Variants in FRMD4B observed in about 807,000 individuals in gnomAD.
The protein encoded by FRMD4B is FERM domain-containing protein 4B.
FRMD4B carries 74 observed loss-of-function variants against 141.5 expected under a neutral mutation model. The ratio of observed to expected loss-of-function variants is 0.52; its 90% CI spans 0.43 to 0.63. The LOEUF (loss-of-function observed/expected upper bound fraction) is 0.63, where lower values mean the gene tolerates loss of function less well. Among genes scored for constraint, FRMD4B ranks in the 30% least tolerant of loss-of-function variants. The probability of loss-of-function intolerance (pLI) is 0.00; values close to 1 mark genes in which losing one functional copy is unlikely to be tolerated. For missense variants in FRMD4B, 1,366 were observed against 1,253.4 expected, an observed-to-expected ratio of 1.09 and a Z score of -1.36; for synonymous variants, 506 against 467.9, an observed-to-expected ratio of 1.08 and a Z score of -1.05.
intron 11 of FRMD4B, among the ~76,000 whole-genome samples, chr3:69,212,366 AAAAAAAAAAAAAAAGAAAAAAAAAAAG>A (rs1329961036): frequency 9.9e-4 from 64 of 64,724 alleles, no homozygotes; most frequent in African/African-American, 3.2e-3. Context: ...TCTCAAAAAA[AAAAAAAAAAAAAAAGAAAAAAAAAAAG>A]AAAAAAAAGA....
chr3:69,442,080 T>C (rs1265884016), intron 1 of FRMD4B, among the ~76,000 whole-genome samples: 1 of 151,954 alleles, frequency 6.6e-6, no homozygotes, highest in Non-Finnish European at 1.5e-5. Context: ...ATCTGAATGA[T>C]TCACCAAAGA....
chr3:69,229,053 T>C (rs1575634101), intron 7 of FRMD4B, among the ~76,000 whole-genome samples: 1 of 124,996 alleles, frequency 8.0e-6, no homozygotes, highest in Admixed American at 9.4e-5. Flanking sequence ...TGAGGCTGGG[T>C]CTTGTTCTGT....
chr3:69,272,937 T>A (rs1337447780), intron 5 of FRMD4B, among the ~76,000 whole-genome samples: 2 of 152,202 alleles, frequency 1.3e-5, no homozygotes, highest in African/African-American at 4.8e-5. Context: ...TATGAAAATA[T>A]CTTTCTAAGT....
intron 11 of FRMD4B, among the ~76,000 whole-genome samples, chr3:69,205,880 T>G (rs547890473): frequency 1.3e-5 from 2 of 152,338 alleles, no homozygotes; most frequent in Non-Finnish European, 2.9e-5. Context: ...GAGTTCTATT[T>G]CTTTCAACTA....
chr3:69,196,801 C>A (rs11917364), intron 13 of FRMD4B, 99 bp downstream of exon 13: 1 of 939,752 alleles, frequency 1.1e-6, no homozygotes, highest in Non-Finnish European at 1.6e-6. Context: ...TCTCAGAGAG[C>A]AAAAATATAT....
chr3:69,207,668 C>T (rs7618386), intron 11 of FRMD4B, among the ~76,000 whole-genome samples: 3,030 of 152,050 alleles, frequency 0.02, 111 homozygotes, highest in African/African-American at 0.07. Flanking sequence ...ATTAGCTGGG[C>T]GTGGTGGGAC....
At chr3:69,283,970 C>CAAAAAAAAAAAA (rs146536193) in intron 5 of FRMD4B, among the ~76,000 whole-genome samples, 3 of 137,728 alleles carry the variant, frequency 2.2e-5, no homozygotes, top group Non-Finnish European at 1.6e-5. Flanking sequence ...CAAAACAAAA[C>CAAAAAAAAAAAA]AAAACAAAAA....
chr3:69,402,005 TTCTTGTGGGA>T (rs1704571308), intron 2 of FRMD4B, among the ~76,000 whole-genome samples: 1 of 152,238 alleles, frequency 6.6e-6, no homozygotes, highest in Non-Finnish European at 1.5e-5. Context: ...GCGTAGGCAA[TTCTTGTGGGA>T]TCTTATACAG....
At chr3:69,520,621 G>A (rs1401177117) in intron 1 of FRMD4B, among the ~76,000 whole-genome samples, 4 of 151,690 alleles carry the variant, frequency 2.6e-5, no homozygotes, top group Non-Finnish European at 5.9e-5. Context: ...AGAAACCCTT[G>A]GCCAAAAGGG....
chr3:69,386,068 C>G lies in FRMD4B; in HGVS notation c.-79G>C. 7.9e-7 allele frequency: 1 copy of G among 1,266,920 alleles called. No homozygotes were observed. The highest frequency in any genetic ancestry group is 1.9e-5 in the South Asian group (1 of 53,176). 78.5% of individuals were successfully genotyped at this position (1,266,920 alleles called of 1,614,324 possible). ...GACCCCAGCGGCCTGCCCGCCTGGG[C>G]TCCCGACGCCGGCTTCTGCTGGCAG... On this transcript the variant is annotated 5_prime_UTR_variant, in exon 1 of 23. Coordinates refer to ENST00000398540, the MANE Select transcript of FRMD4B (RefSeq NM_015123.3).
intron 2 of FRMD4B, among the ~76,000 whole-genome samples, chr3:69,399,456 T>C (rs1704524232): frequency 6.6e-6 from 1 of 152,222 alleles, no homozygotes; most frequent in Non-Finnish European, 1.5e-5. Context: ...TGCGGTGAAG[T>C]CTCAACTTGT....
chr3:69,383,679 CG>C (rs1704178968), intron 1 of FRMD4B, among the ~76,000 whole-genome samples: 1 of 152,168 alleles, frequency 6.6e-6, no homozygotes, highest in Non-Finnish European at 1.5e-5. Context: ...CCTGCCTCAA[CG>C]TCTTGAGCAG....
At chr3:69,221,818 G>A (rs771459588) in intron 9 of FRMD4B, 40 bp downstream of exon 9, 18 of 968,584 alleles carry the variant, frequency 1.9e-5, no homozygotes, top group Non-Finnish European at 3.3e-6. Flanking sequence ...TCAGATGAGA[G>A]ATATTAAAAT....
At chr3:69,184,992 C>T (rs1033417236) in intron 19 of FRMD4B, among the ~76,000 whole-genome samples, 5 of 152,164 alleles carry the variant, frequency 3.3e-5, no homozygotes, top group South Asian at 2.1e-4. Flanking sequence ...GATTTCACTG[C>T]TCTTTAACAA....
intron 1 of FRMD4B, among the ~76,000 whole-genome samples, chr3:69,504,444 A>G (rs1706560706): frequency 6.6e-6 from 1 of 152,314 alleles, no homozygotes; most frequent in African/African-American, 2.4e-5. Context: ...CATTCCTAAA[A>G]GAAACCTACA....
chr3:69,450,404 G>A (rs768702847), intron 1 of FRMD4B, among the ~76,000 whole-genome samples: 22 of 151,976 alleles, frequency 1.4e-4, no homozygotes, highest in Non-Finnish European at 1.9e-4. Flanking sequence ...TGGGAGGATC[G>A]CTTGAGCTCA....
chr3:69,419,515 T>TTCACTGGC (rs58014530), intron 2 of FRMD4B, among the ~76,000 whole-genome samples: 40,686 of 151,630 alleles, frequency 0.27, 5,858 homozygotes, highest in East Asian at 0.44. Context: ...TCAGTTATCC[T>TTCACTGGC]TCACTGGCTC....
At chr3:69,213,369 T>TAAA (rs10717974) in intron 11 of FRMD4B, among the ~76,000 whole-genome samples, 228 of 124,600 alleles carry the variant, frequency 1.8e-3, no homozygotes, top group East Asian at 3.4e-3. Flanking sequence ...TTACTCTGGG[T>TAAA]AAAAAAAAAA....
intron 5 of FRMD4B, among the ~76,000 whole-genome samples, chr3:69,255,803 G>T (rs1231420618): frequency 6.6e-6 from 1 of 152,128 alleles, no homozygotes. Context: ...TTCTCTGGGG[G>T]CAAAGTTGGG....
Sources: gnomAD v4.1 joint callset for allele counts (sites outside exome capture counted in the v4.1 genomes callset) on GRCh38, gnomAD v4.1.1 for gene constraint, MANE v1.5 for transcripts, NCBI Gene and HGNC (gene_info 2026-07-23, HGNC 2026-07-21) for gene names.